SATB2: variants seen among roughly 807,000 people sequenced by gnomAD.
SATB2 encodes the protein DNA-binding protein SATB2.
A neutral mutation model predicts 73.4 loss-of-function variants in SATB2; 1 was observed. The ratio of observed to expected loss-of-function variants is 0.01; its 90% confidence interval spans 0.00 to 0.06. The LOEUF is 0.06. Ranked by LOEUF, SATB2 falls within the 10% of genes least tolerant of loss-of-function variation. The pLI, the probability that SATB2 is intolerant of heterozygous loss-of-function variation, is 1.00. For missense variants in SATB2, 459 were observed against 945.8 expected (o/e 0.49, Z 6.75); for synonymous variants, 397 against 367.0 (o/e 1.08, Z -0.93).
chr2:199,304,443 T>C (rs1232816172), intron 10 of SATB2, among the ~76,000 whole-genome samples: 2 of 152,204 alleles, frequency 1.3e-5, no homozygotes, highest in African/African-American at 4.8e-5. Flanking sequence ...TTATGTAGAT[T>C]AGTATTTCTC....
rs1440871358 is a variant in SATB2 at position 199,348,959 on chromosome 2, T to C, written c.915A>G (p.Gln305=). 2.5e-6 allele frequency: 4 copies of C among 1,613,994 alleles called. No homozygotes were observed. In the African/African-American group the frequency reaches 4.0e-5, roughly 16 times the overall value. The change falls in exon 7 of 11, where the codon CAA becomes CAG. Residue 305 remains glutamine, a synonymous_variant. Transcript: ENST00000417098. ...CCATGGCTATTTGTTGCCTTACAAG[T>C]TGTGGACTAAGCTGGGGAGAAAGAA... The part of the protein sequence containing the change: ...PGLLSPQLSP[Q]LVRQQIAMAH...
intron 10 of SATB2, among the ~76,000 whole-genome samples, chr2:199,279,551 T>C (rs1692416927): frequency 1.3e-5 from 2 of 152,128 alleles, no homozygotes; most frequent in South Asian, 4.1e-4. Flanking sequence ...AATGAGAAAT[T>C]ATTAAAGAGG....
Position 199,368,719 on chromosome 2 carries a change from A to C in SATB2, c.598-12T>G, listed in dbSNP as rs1203143663. 1.3e-6 allele frequency: 2 copies of C among 1,504,492 alleles called. No homozygotes were observed. The highest frequency in any genetic ancestry group is 1.8e-6 in the Non-Finnish European group (2 of 1,082,496). The allele number at this position is 1,504,492 out of a possible 1,614,324, so 93.2% of individuals were successfully genotyped here. ...GATGAAATCATACTCTGAAAAAAAA[A>C]ATTATAGTTATTTTTTCAAAATATG... On this transcript the variant is annotated splice_polypyrimidine_tract_variant and intron_variant, in intron 5 of 10. Transcript: ENST00000417098.
chr2:199,331,532 T>G (rs567070020), intron 7 of SATB2, among the ~76,000 whole-genome samples: 3 of 152,286 alleles, frequency 2.0e-5, no homozygotes, highest in African/African-American at 7.2e-5. Flanking sequence ...AAAACTCTCA[T>G]ATGTGTAGCT....
At chr2:199,316,089 C>CCACA (rs1687727997) in intron 9 of SATB2, among the ~76,000 whole-genome samples, 1 of 152,066 alleles carries the variant, frequency 6.6e-6, no homozygotes, top group Non-Finnish European at 1.5e-5. Flanking sequence ...ATATTATTAA[C>CCACA]CACAGACAGT....
At chr2:199,458,741 G>A (rs752341258), upstream of SATB2, 24 of 424,784 alleles carry the variant, frequency 5.6e-5, 1 homozygote, top group South Asian at 3.5e-4. Flanking sequence ...ATAGGAGGGC[G>A]ATCGCCTCCC....
At chr2:199,342,824 T>G (rs1477678925) in intron 7 of SATB2, among the ~76,000 whole-genome samples, 1 of 152,176 alleles carries the variant, frequency 6.6e-6, no homozygotes, top group Non-Finnish European at 1.5e-5. Flanking sequence ...CATTTTATAT[T>G]CTTAAAAGAC....
chr2:199,364,415 A>G (rs1574549820), intron 6 of SATB2, among the ~76,000 whole-genome samples: 1 of 152,204 alleles, frequency 6.6e-6, no homozygotes, highest in African/African-American at 2.4e-5. Context: ...AATACTGATT[A>G]GTAGAATAAA....
chr2:199,335,522 T>TC (rs1290013657), intron 7 of SATB2, among the ~76,000 whole-genome samples: 10 of 152,128 alleles, frequency 6.6e-5, no homozygotes, highest in Non-Finnish European at 1.0e-4. Context: ...TATAAAACCT[T>TC]CCTCCCATGA....
chr2:199,369,719 C>T (rs1274182930), intron 5 of SATB2, among the ~76,000 whole-genome samples: 2 of 152,058 alleles, frequency 1.3e-5, no homozygotes, highest in African/African-American at 4.8e-5. Flanking sequence ...GAACTTCTAA[C>T]GACATTTCTA....
At chr2:199,395,775 G>A (rs1574585968) in intron 3 of SATB2, 1 of 152,274 alleles carries the variant, frequency 6.6e-6, no homozygotes, top group East Asian at 1.9e-4. Flanking sequence ...ATTACTTGAA[G>A]ACACAAAATA....
intron 6 of SATB2, among the ~76,000 whole-genome samples, chr2:199,366,937 T>C (rs370509216): frequency 6.6e-6 from 1 of 151,090 alleles, no homozygotes; most frequent in Non-Finnish European, 1.5e-5. Context: ...CACACACACA[T>C]TCTGTAGTGG....
intron 7 of SATB2, among the ~76,000 whole-genome samples, chr2:199,338,902 A>T (rs1688418567): frequency 6.9e-6 from 1 of 144,108 alleles, no homozygotes; most frequent in African/African-American, 2.5e-5. Flanking sequence ...TGGGTGACAG[A>T]GCAAGACTCT....
At chr2:199,305,352 T>C (rs1452172893) in intron 10 of SATB2, among the ~76,000 whole-genome samples, 2 of 150,250 alleles carry the variant, frequency 1.3e-5, no homozygotes, top group Non-Finnish European at 3.0e-5. Context: ...GATAGGGGGG[T>C]AAAAGGTGGG....
At position 199,269,517 on chromosome 2, in the gene SATB2, GTTTAT is replaced by G. The variant is rs1348954957; in HGVS notation, c.*2689_*2693del. On this transcript the variant is annotated 3_prime_UTR_variant, in exon 11 of 11. Coordinates refer to ENST00000417098, the MANE Select transcript of SATB2 (RefSeq NM_001172509.2). ...AAACAAAGTCATATTTATTGAATGC[GTTTAT>G]TTTAACAACCAAAAAATTCTAACAG... 1 of 152,528 alleles carries G rather than the reference GTTTAT, an allele frequency of 6.6e-6. No individual in the cohort carries two copies. Among genetic ancestry groups the G allele is most frequent in the Non-Finnish European group, 1.5e-5 (1 of 67,996 alleles). 9.4% of individuals were successfully genotyped at this position (152,528 alleles called of 1,614,324 possible).
intron 2 of SATB2, among the ~76,000 whole-genome samples, chr2:199,444,277 T>C (rs1164068239): frequency 1.3e-5 from 2 of 152,026 alleles, no homozygotes; most frequent in East Asian, 3.9e-4. Context: ...AATGAAAGAG[T>C]TATTCCACTT....
intron 6 of SATB2, among the ~76,000 whole-genome samples, chr2:199,357,537 T>G (rs1279101013): frequency 6.6e-6 from 1 of 152,196 alleles, no homozygotes; most frequent in Non-Finnish European, 1.5e-5. Context: ...ACACTTTAAC[T>G]GTCTGCCACA....
At chr2:199,353,097 C>T (rs1234069423) in intron 6 of SATB2, among the ~76,000 whole-genome samples, 1 of 147,936 alleles carries the variant, frequency 6.8e-6, no homozygotes, top group African/African-American at 2.5e-5. Context: ...GATGCATCTA[C>T]AATGACCAAG....
At chr2:199,424,226 G>A (rs755598774) in intron 3 of SATB2, among the ~76,000 whole-genome samples, 46 of 152,148 alleles carry the variant, frequency 3.0e-4, no homozygotes, top group Non-Finnish European at 4.1e-4. Flanking sequence ...TCTCAAAGCT[G>A]CCATCAAAAG....
Sources: gnomAD v4.1 joint callset for allele counts (sites outside exome capture counted in the v4.1 genomes callset) on GRCh38, gnomAD v4.1.1 for gene constraint, MANE v1.5 for transcripts, NCBI Gene and HGNC (gene_info 2026-07-23, HGNC 2026-07-21) for gene names.